LRRTM4: variants seen among roughly 807,000 people sequenced by gnomAD.
The protein encoded by LRRTM4 is leucine rich repeat transmembrane neuronal 4, also known as leucine-rich repeat transmembrane neuronal protein 4.
LRRTM4 carries 25 observed loss-of-function variants against 47.6 expected under a neutral mutation model. The ratio of observed to expected loss-of-function variants is 0.53; its 90% CI spans 0.38 to 0.73. LRRTM4 has a LOEUF of 0.73. Ranked by LOEUF, LRRTM4 falls within the 30% of genes least tolerant of loss-of-function variation. The pLI, the probability that LRRTM4 is intolerant of heterozygous loss-of-function variation, is 0.00. For missense variants in LRRTM4, 638 were observed against 713.4 expected, an observed-to-expected ratio of 0.89 and a Z score of 1.20; for synonymous variants, 311 against 269.5, an observed-to-expected ratio of 1.15 and a Z score of -1.51.
intron 3 of LRRTM4, among the ~76,000 whole-genome samples, chr2:76,968,551 A>T (rs912121123): frequency 6.6e-6 from 1 of 151,322 alleles, no homozygotes; most frequent in East Asian, 2.0e-4. Context: ...CAGCTAGGCT[A>T]GTCGTTCTCA....
intron 3 of LRRTM4, among the ~76,000 whole-genome samples, chr2:76,924,091 G>C (rs1232624659): frequency 6.6e-6 from 1 of 151,962 alleles, no homozygotes; most frequent in African/African-American, 2.4e-5. Context: ...TACCTGGCCA[G>C]CATTTCACAA....
At chr2:76,948,533 C>T (rs1376160259) in intron 3 of LRRTM4, among the ~76,000 whole-genome samples, 1 of 151,538 alleles carries the variant, frequency 6.6e-6, no homozygotes, top group Non-Finnish European at 1.5e-5. Flanking sequence ...AGAGTAATTT[C>T]ATTTGGAATC....
chr2:77,050,827 T>C (rs1432003823), intron 3 of LRRTM4, among the ~76,000 whole-genome samples: 1 of 152,178 alleles, frequency 6.6e-6, no homozygotes, highest in Admixed American at 6.6e-5. Flanking sequence ...AAATACACTT[T>C]AACTTCTTGA....
At chr2:76,849,999 A>G (rs1671944821) in intron 3 of LRRTM4, among the ~76,000 whole-genome samples, 1 of 152,100 alleles carries the variant, frequency 6.6e-6, no homozygotes, top group Non-Finnish European at 1.5e-5. Context: ...GTGGAGAGAA[A>G]TATGTCCTCA....
chr2:77,204,531 CT>C lies in LRRTM4; in HGVS notation c.1551+313786del, dbSNP rs1156376116. ...ATTAGGCCAGGTGGATACTTAACTT[CT>C]CCTGACTAATGCCTATGTATCTTTC... On this transcript the variant is annotated intron_variant, in intron 3 of 3. Coordinates refer to ENST00000409884, the MANE Select transcript of LRRTM4 (RefSeq NM_001134745.3). 3.3e-5 allele frequency among the ~76,000 whole-genome samples: 5 copies of C among 152,134 alleles called. No individual in the cohort carries two copies. The East Asian group carries it at 9.6e-4, about 29-fold the overall frequency.
chr2:77,171,622 A>C (rs1004552559), intron 3 of LRRTM4, among the ~76,000 whole-genome samples: 1 of 151,978 alleles, frequency 6.6e-6, no homozygotes, highest in Non-Finnish European at 1.5e-5. Context: ...AATATAAGAT[A>C]TAGGTCATAT....
intron 3 of LRRTM4, among the ~76,000 whole-genome samples, chr2:76,794,520 T>C (rs1328872569): frequency 4.0e-5 from 6 of 151,870 alleles, no homozygotes; most frequent in African/African-American, 4.8e-5. Flanking sequence ...TTGCACCTCT[T>C]CTATATTCTA....
intron 3 of LRRTM4, among the ~76,000 whole-genome samples, chr2:77,111,402 C>A (rs977248641): frequency 6.6e-6 from 1 of 151,236 alleles, no homozygotes; most frequent in Non-Finnish European, 1.5e-5. Context: ...GCTGGTGTTA[C>A]AAGTATGAGC....
chr2:77,210,104 T>G (rs1318120646), intron 3 of LRRTM4, among the ~76,000 whole-genome samples: 7 of 152,200 alleles, frequency 4.6e-5, no homozygotes, highest in Admixed American at 3.3e-4. Flanking sequence ...AAATAATTAA[T>G]AATGTTGCTG....
chr2:77,201,438 T>C (rs1048567926), intron 3 of LRRTM4, among the ~76,000 whole-genome samples: 2 of 152,148 alleles, frequency 1.3e-5, no homozygotes, highest in African/African-American at 4.8e-5. Context: ...TCATATAAAA[T>C]TAATTCATTG....
intron 3 of LRRTM4, among the ~76,000 whole-genome samples, chr2:76,905,585 G>A (rs559547385): frequency 4.0e-5 from 6 of 151,524 alleles, no homozygotes; most frequent in African/African-American, 1.2e-4. Context: ...AGGCAAAGAA[G>A]TTAAAAACTT....
intron 3 of LRRTM4, among the ~76,000 whole-genome samples, chr2:77,027,294 T>C (rs1047625556): frequency 6.6e-6 from 1 of 152,180 alleles, no homozygotes; most frequent in Non-Finnish European, 1.5e-5. Flanking sequence ...AGGATTATTT[T>C]TTAAAGGTTA....
intron 3 of LRRTM4, among the ~76,000 whole-genome samples, chr2:76,798,850 C>T (rs1213864899): frequency 6.6e-6 from 1 of 152,084 alleles, no homozygotes; most frequent in Admixed American, 6.6e-5. Flanking sequence ...AGAAAATCTA[C>T]AAGAAATGGA....
At chr2:77,292,346 G>T (rs1275528694) in intron 3 of LRRTM4, among the ~76,000 whole-genome samples, 3 of 151,108 alleles carry the variant, frequency 2.0e-5, no homozygotes, top group African/African-American at 7.3e-5. Flanking sequence ...CCCATTACTG[G>T]GTATATACCC....
chr2:77,207,372 T>TATATATATATATATATACAC (rs59335400), intron 3 of LRRTM4, among the ~76,000 whole-genome samples: 59 of 131,054 alleles, frequency 4.5e-4, no homozygotes, highest in African/African-American at 1.2e-3. Context: ...TATATATATA[T>TATATATATATATATATACAC]ACACACACAC....
At chr2:77,162,052 C>T (rs369862812) in intron 3 of LRRTM4, among the ~76,000 whole-genome samples, 75 of 151,746 alleles carry the variant, frequency 4.9e-4, no homozygotes, top group African/African-American at 1.4e-3. Flanking sequence ...GCCCACAGAG[C>T]GGGAATTCCC....
intron 3 of LRRTM4, among the ~76,000 whole-genome samples, chr2:76,765,784 G>A (rs1673431857): frequency 6.6e-6 from 1 of 152,182 alleles, no homozygotes; most frequent in Non-Finnish European, 1.5e-5. Context: ...TTCATTCTGA[G>A]AGCCTGAGCC....
rs751862719 is a variant in LRRTM4 at position 76,883,647 on chromosome 2, G to A, written c.1552-134731C>T. ...TCTCACCATATGCCACTCTTCCCCT[G>A]ACCCCCACTGTTTCTCGCAAATCCC... On this transcript the variant is annotated intron_variant, in intron 3 of 3. Transcript: ENST00000409884. Among the ~76,000 whole-genome samples the A allele has an allele frequency of 2.6e-4, 40 of 152,044 alleles. 1 individual carries two copies. The highest frequency in any genetic ancestry group is 6.6e-4 in the Admixed American group (10 of 15,264).
chr2:76,872,692 T>C (rs1275734953), intron 3 of LRRTM4, among the ~76,000 whole-genome samples: 1 of 152,186 alleles, frequency 6.6e-6, no homozygotes, highest in African/African-American at 2.4e-5. Flanking sequence ...GTTTGGATAT[T>C]TGACCCTCCA....
Sources: allele counts gnomAD v4.1 joint callset (sites outside exome capture counted in the v4.1 genomes callset), GRCh38; gene constraint gnomAD v4.1.1; transcripts MANE v1.5; gene names NCBI Gene and HGNC (gene_info 2026-07-23, HGNC 2026-07-21).